NXN: variants seen among roughly 807,000 people sequenced by gnomAD.
The protein encoded by NXN is nucleoredoxin 1.
In NXN, 16 loss-of-function variants were observed where a neutral mutation model predicts 48.6. The ratio of observed to expected loss-of-function variants is 0.33; its 90% CI spans 0.22 to 0.50. The LOEUF (loss-of-function observed/expected upper bound fraction) is 0.50, where lower values mean the gene tolerates loss of function less well. Among genes scored for constraint, NXN ranks in the 20% least tolerant of loss-of-function variants. The pLI is 0.98. For synonymous variants in NXN, 281 were observed against 269.6 expected (o/e 1.04, Z -0.41); for missense variants, 492 against 605.5 (o/e 0.81, Z 1.97).
intron 1 of NXN, among the ~76,000 whole-genome samples, chr17:923,162 G>A (rs557862765): frequency 1.2e-4 from 19 of 152,188 alleles, no homozygotes; most frequent in African/African-American, 4.3e-4. Context: ...TGGACGGCGC[G>A]GTGGCTCACA....
intron 1 of NXN, among the ~76,000 whole-genome samples, chr17:845,259 A>G (rs949012682): frequency 6.6e-6 from 1 of 150,418 alleles, no homozygotes; most frequent in African/African-American, 2.4e-5. Context: ...ACCATCATCA[A>G]TCACCCTTAC....
intron 5 of NXN, among the ~76,000 whole-genome samples, chr17:812,162 C>T (rs1365854599): frequency 2.0e-5 from 3 of 151,278 alleles, no homozygotes; most frequent in African/African-American, 4.9e-5. Context: ...CTCCTGACCT[C>T]GTGATCCGCC....
At chr17:854,700 T>C (rs1296395770) in intron 1 of NXN, among the ~76,000 whole-genome samples, 1 of 147,584 alleles carries the variant, frequency 6.8e-6, no homozygotes, top group Non-Finnish European at 1.5e-5. Context: ...GGCTCACGCC[T>C]GTAATCCCAG....
At chr17:819,767 G>A (rs575733988) in intron 4 of NXN, among the ~76,000 whole-genome samples, 1 of 151,906 alleles carries the variant, frequency 6.6e-6, no homozygotes, top group Non-Finnish European at 1.5e-5. Context: ...CGGCTAAGAC[G>A]CCAGCCCACT....
chr17:804,699 A>G (rs1911389744), intron 6 of NXN, among the ~76,000 whole-genome samples: 1 of 152,228 alleles, frequency 6.6e-6, no homozygotes, highest in South Asian at 2.1e-4. Flanking sequence ...AGCACAGAGG[A>G]TCCGCAGAAG....
chr17:875,652 T>G (rs1248067933), intron 1 of NXN, among the ~76,000 whole-genome samples: 1 of 151,628 alleles, frequency 6.6e-6, no homozygotes, highest in East Asian at 1.9e-4. Context: ...AGTACGGTGG[T>G]GCAATCATAG....
At chr17:918,409 A>AG in intron 1 of NXN, among the ~76,000 whole-genome samples, 2 of 152,220 alleles carry the variant, frequency 1.3e-5, no homozygotes, top group Non-Finnish European at 2.9e-5. Flanking sequence ...AACTGGGCTC[A>AG]GGGAGGCCGT....
chr17:912,541 T>C (rs2068646382), intron 1 of NXN, among the ~76,000 whole-genome samples: 1 of 151,950 alleles, frequency 6.6e-6, no homozygotes, highest in South Asian at 2.1e-4. Flanking sequence ...ATTTCAAAAG[T>C]TGTACTTCTT....
intron 1 of NXN, among the ~76,000 whole-genome samples, chr17:971,340 T>C (rs1037883978): frequency 6.6e-6 from 1 of 152,276 alleles, no homozygotes; most frequent in Non-Finnish European, 1.5e-5. Context: ...GGCAATCCAG[T>C]TGCACAAGAA....
At chr17:945,944 T>C (rs556979393) in intron 1 of NXN, among the ~76,000 whole-genome samples, 1 of 152,080 alleles carries the variant, frequency 6.6e-6, no homozygotes, top group Non-Finnish European at 1.5e-5. Context: ...GGGAATGTCC[T>C]TGGGGTCCTG....
chr17:833,181 G>T (rs561612279), intron 1 of NXN, among the ~76,000 whole-genome samples: 10 of 152,060 alleles, frequency 6.6e-5, no homozygotes, highest in African/African-American at 2.4e-4. Flanking sequence ...ATGAGCCACC[G>T]CACCCGGCCG....
rs148183428 is a variant in NXN, at chr17:842,783, A to C, written c.361-16705T>G. 8.1e-3 allele frequency among the ~76,000 whole-genome samples: 1,238 copies of C among 152,282 alleles called. 18 individuals are homozygous for C. The highest frequency in any genetic ancestry group is 0.027 in the African/African-American group (1,135 of 41,552). ...TGAAACCCCCGTCTCTACCAAAAATACAAAAATTAGCTGGGCGTGGTTGCA... is the reference window on the plus strand; with the variant it reads ...TGAAACCCCCGTCTCTACCAAAAATCCAAAAATTAGCTGGGCGTGGTTGCA... On this transcript the variant is annotated intron_variant, in intron 1 of 7. Coordinates refer to ENST00000336868, the MANE Select transcript of NXN (RefSeq NM_022463.5).
chr17:915,158 A>T (rs564545558), intron 1 of NXN, among the ~76,000 whole-genome samples: 3 of 152,160 alleles, frequency 2.0e-5, no homozygotes, highest in Admixed American at 6.5e-5. Flanking sequence ...CTGGCCTCGA[A>T]CTTCTGACCT....
rs552244653 is a variant in NXN at position 945,337 on chromosome 17, G to A, written c.360+33982C>T. Among the ~76,000 whole-genome samples, 29 of 152,030 alleles carry A rather than the reference G, an allele frequency of 1.9e-4. No homozygotes were observed. In the South Asian group the frequency reaches 5.6e-3, roughly 29 times the overall value. ...CCTCAGGTGATCCACTCGCCTCGGC[G>A]TCCTAAAGCAGTGGGATTCCAAGTG... On this transcript the variant is annotated intron_variant, in intron 1 of 7. Coordinates refer to ENST00000336868, the MANE Select transcript of NXN (RefSeq NM_022463.5).
At position 920,905 on chromosome 17, in the gene NXN, T is replaced by C. The variant is rs562889657; in HGVS notation, c.360+58414A>G. ...GTCCGGCTAATTTTTGTAATTTTAG[T>C]AAAGACGGGGTTTTGCCATGTTAGC... On this transcript the variant is annotated intron_variant, in intron 1 of 7. Coordinates refer to ENST00000336868, the MANE Select transcript of NXN (RefSeq NM_022463.5). This position sits in a 1 kb window ranked among gnomAD's most constrained non-coding sequence, Gnocchi z 4.6. 6.6e-6 allele frequency among the ~76,000 whole-genome samples: 1 copy of C among 152,166 alleles called. No individual in the cohort carries two copies. Among genetic ancestry groups the C allele is most frequent in the East Asian group, 1.9e-4 (1 of 5,168 alleles).
intron 1 of NXN, among the ~76,000 whole-genome samples, chr17:869,856 C>T (rs889544253): frequency 1.3e-5 from 2 of 152,234 alleles, no homozygotes; most frequent in African/African-American, 2.4e-5. Context: ...CCTCTGATCT[C>T]GGTTAAGAAC....
chr17:892,595 C>T (rs11869032), intron 1 of NXN, among the ~76,000 whole-genome samples: 15,350 of 147,358 alleles, frequency 0.1, 1,189 homozygotes, highest in African/African-American at 0.21. Context: ...GCAGGTCTCG[C>T]AGTCTCAGCA....
At chr17:895,734 C>T (rs1211555417) in intron 1 of NXN, among the ~76,000 whole-genome samples, 4 of 149,166 alleles carry the variant, frequency 2.7e-5, no homozygotes, top group East Asian at 2.0e-4. Context: ...AGGGGAATGG[C>T]GTGAACCTGA....
intron 1 of NXN, among the ~76,000 whole-genome samples, chr17:960,194 G>A (rs1021165075): frequency 6.6e-6 from 1 of 152,156 alleles, no homozygotes; most frequent in Non-Finnish European, 1.5e-5. Context: ...TAAGCAATGG[G>A]GGTATTTACT....
Sources: gnomAD v4.1 joint callset for allele counts (sites outside exome capture counted in the v4.1 genomes callset) on GRCh38, gnomAD v4.1.1 for gene constraint, Gnocchi (gnomAD v3.1) non-coding constraint, MANE v1.5 for transcripts, NCBI Gene and HGNC (gene_info 2026-07-23, HGNC 2026-07-21) for gene names.